TENM3: variants seen among roughly 807,000 people sequenced by gnomAD.
The protein encoded by TENM3 is teneurin transmembrane protein 3.
A neutral mutation model predicts 255.1 loss-of-function variants in TENM3; 63 were observed. That is an observed-to-expected ratio of 0.25 (90% CI 0.20 to 0.30). The LOEUF is 0.30. Ranked by LOEUF, TENM3 falls within the 10% of genes least tolerant of loss-of-function variation. TENM3 has a pLI of 1.00. For synonymous variants in TENM3, 1,306 were observed against 1,322.3 expected, an observed-to-expected ratio of 0.99 and a Z score of 0.27; for missense variants, 2,929 against 3,461.1, an observed-to-expected ratio of 0.85 and a Z score of 3.86.
At chr4:181,485,686 G>C in the TENM3 span, among the ~76,000 whole-genome samples, 2 of 152,118 alleles carry the variant, frequency 1.3e-5, no homozygotes, top group East Asian at 1.9e-4. Flanking sequence ...TAGAAATAAA[G>C]AACACAGTTA....
At chr4:181,720,364 T>C in the TENM3 span, among the ~76,000 whole-genome samples, 1 of 152,180 alleles carries the variant, frequency 6.6e-6, no homozygotes, top group Admixed American at 6.5e-5. Context: ...TTTGATGTCA[T>C]TTTTTATTTC....
chr4:181,874,292 T>A, the TENM3 span: 1 of 152,348 alleles, frequency 6.6e-6, no homozygotes, highest in Non-Finnish European at 1.5e-5. Flanking sequence ...TTATTTTTTA[T>A]CTACTTATTC....
At chr4:181,549,702 C>G in the TENM3 span, among the ~76,000 whole-genome samples, 1 of 152,272 alleles carries the variant, frequency 6.6e-6, no homozygotes, top group Admixed American at 6.5e-5. Flanking sequence ...TCTAAGTGAT[C>G]CCCATTTCCT....
At chr4:182,205,649 G>A (rs17072856) in intron 1 of TENM3, among the ~76,000 whole-genome samples, 2,779 of 152,366 alleles carry the variant, frequency 0.018, 87 homozygotes, top group African/African-American at 0.061. Context: ...TTCGCTCATT[G>A]TGCCCTTGGC....
intron 13 of TENM3, among the ~76,000 whole-genome samples, chr4:182,720,373 A>AG (rs1441118893): frequency 1.3e-5 from 2 of 152,308 alleles, no homozygotes; most frequent in Non-Finnish European, 2.9e-5. Flanking sequence ...TTTAAAAAAA[A>AG]AAATTACAAG....
chr4:182,639,293 G>A (rs189755543), intron 5 of TENM3, among the ~76,000 whole-genome samples: 83 of 152,242 alleles, frequency 5.5e-4, no homozygotes, highest in South Asian at 3.7e-3. Context: ...TAATAACTAT[G>A]TAATCTTGAA....
chr4:182,509,063 T>C (rs115075913), intron 3 of TENM3, among the ~76,000 whole-genome samples: 1,696 of 152,378 alleles, frequency 0.011, 34 homozygotes, highest in African/African-American at 0.039. Flanking sequence ...TTATCCGTTA[T>C]TTTTAACATA....
At chr4:181,780,996 C>G in the TENM3 span, among the ~76,000 whole-genome samples, 4 of 152,074 alleles carry the variant, frequency 2.6e-5, no homozygotes, top group African/African-American at 9.7e-5. Context: ...TGTTTTGGTA[C>G]CAGTACCATG....
intron 3 of TENM3, among the ~76,000 whole-genome samples, chr4:182,452,753 C>T (rs62337160): frequency 0.06 from 9,168 of 152,186 alleles, 415 homozygotes; most frequent in African/African-American, 0.12. Flanking sequence ...AGATGTTTTG[C>T]ATTAGAAATT....
chr4:181,662,295 A>G, the TENM3 span, among the ~76,000 whole-genome samples: 1 of 152,238 alleles, frequency 6.6e-6, no homozygotes, highest in Non-Finnish European at 1.5e-5. Context: ...CTGAGTTTGC[A>G]TGATACACAG....
the TENM3 span, among the ~76,000 whole-genome samples, chr4:181,695,657 C>G: frequency 6.6e-6 from 1 of 152,116 alleles, no homozygotes; most frequent in Non-Finnish European, 1.5e-5. Flanking sequence ...ATATCTTCTC[C>G]TAGGGCAGAG....
At chr4:181,720,074 A>G in the TENM3 span, among the ~76,000 whole-genome samples, 1 of 152,240 alleles carries the variant, frequency 6.6e-6, no homozygotes, top group Admixed American at 6.5e-5. Context: ...AAGCTGGATC[A>G]TATATGTATC....
intron 1 of TENM3, among the ~76,000 whole-genome samples, chr4:182,248,128 A>G (rs1416755583): frequency 6.6e-6 from 1 of 152,222 alleles, no homozygotes; most frequent in Non-Finnish European, 1.5e-5. Context: ...TCATTATTTT[A>G]TTCACTATAT....
chr4:182,637,492 G>A (rs1751938683), intron 5 of TENM3, among the ~76,000 whole-genome samples: 1 of 152,142 alleles, frequency 6.6e-6, no homozygotes, highest in Non-Finnish European at 1.5e-5. Context: ...CCTGTGAATA[G>A]CCACTGCACT....
chr4:181,954,493 G>C, the TENM3 span, among the ~76,000 whole-genome samples: 10 of 152,228 alleles, frequency 6.6e-5, no homozygotes, highest in South Asian at 1.2e-3. Flanking sequence ...AAATCATTGT[G>C]ACTTTAATTT....
intron 1 of TENM3, among the ~76,000 whole-genome samples, chr4:182,283,276 A>G (rs2150284262): frequency 6.6e-6 from 1 of 152,322 alleles, no homozygotes; most frequent in Admixed American, 6.5e-5. Context: ...TTCATGTTAA[A>G]TTGACTGAAT....
chr4:182,230,594 G>A (rs530386934), intron 1 of TENM3, among the ~76,000 whole-genome samples: 6 of 151,666 alleles, frequency 4.0e-5, no homozygotes, highest in African/African-American at 1.2e-4. Flanking sequence ...GGTCTGTGCC[G>A]AGCATCCCTC....
At chr4:181,662,713 C>A in the TENM3 span, among the ~76,000 whole-genome samples, 2 of 152,158 alleles carry the variant, frequency 1.3e-5, no homozygotes, top group African/African-American at 4.8e-5. Flanking sequence ...CTGAAGTAAT[C>A]CATGGAACAA....
At chr4:181,474,740 A>AAAC in the TENM3 span, among the ~76,000 whole-genome samples, 11 of 16,412 alleles carry the variant, frequency 6.7e-4, no homozygotes, top group African/African-American at 1.4e-3. Context: ...GTCTCAAAAC[A>AAAC]AAAAAAAAAA....
Sources: gnomAD v4.1 joint callset for allele counts (sites outside exome capture counted in the v4.1 genomes callset) on GRCh38, gnomAD v4.1.1 for gene constraint, MANE v1.5 for transcripts, NCBI Gene and HGNC (gene_info 2026-07-23, HGNC 2026-07-21) for gene names.